Variants in NTRK2 observed in about 807,000 individuals in gnomAD.
The protein encoded by NTRK2 is BDNF/NT-3 growth factors receptor.
A neutral mutation model predicts 94.5 loss-of-function variants in NTRK2; 13 were observed. The observed-to-expected ratio is 0.14, with a 90% CI of 0.09 to 0.22. The LOEUF (loss-of-function observed/expected upper bound fraction) is 0.22, where lower values mean the gene tolerates loss of function less well. Ranked by LOEUF, NTRK2 falls within the 10% of genes least tolerant of loss-of-function variation. The pLI is 1.00. For synonymous variants in NTRK2, 372 were observed against 407.4 expected (o/e 0.91, Z 1.05); for missense variants, 639 against 1,071.2 (o/e 0.60, Z 5.63).
intron 17 of NTRK2, among the ~76,000 whole-genome samples, chr9:84,972,350 G>A (rs1826285475): frequency 6.6e-6 from 1 of 152,210 alleles, no homozygotes; most frequent in Non-Finnish European, 1.5e-5. Context: ...GGAGGGAAGT[G>A]TCCAAGTGTA....
intron 14 of NTRK2, among the ~76,000 whole-genome samples, chr9:84,883,863 CA>C (rs1487113136): frequency 1.3e-5 from 2 of 152,100 alleles, no homozygotes; most frequent in Non-Finnish European, 2.9e-5. Context: ...AAAGTTTTCT[CA>C]AAATTCAAGT....
chr9:84,885,551 C>T (rs999379027), intron 14 of NTRK2, among the ~76,000 whole-genome samples: 6 of 151,884 alleles, frequency 4.0e-5, no homozygotes, highest in South Asian at 2.1e-4. Flanking sequence ...AGCATCATGT[C>T]GAACACATGG....
intron 17 of NTRK2, among the ~76,000 whole-genome samples, chr9:84,967,393 G>A (rs1030355306): frequency 6.6e-6 from 1 of 152,228 alleles, no homozygotes; most frequent in East Asian, 1.9e-4. Context: ...GAGGCCCTAC[G>A]CAGGAAATGC....
At chr9:84,742,818 C>T (rs1304021194) in intron 10 of NTRK2, among the ~76,000 whole-genome samples, 9 of 67,220 alleles carry the variant, frequency 1.3e-4, no homozygotes, top group South Asian at 8.9e-4. Flanking sequence ...TTTTTTTTTC[C>T]GAGACGGAGT....
chr9:84,957,302 A>C (rs369642153), intron 17 of NTRK2, among the ~76,000 whole-genome samples: 1 of 152,188 alleles, frequency 6.6e-6, no homozygotes, highest in East Asian at 1.9e-4. Flanking sequence ...ATCAATAGAC[A>C]TACACTTCAT....
intron 14 of NTRK2, among the ~76,000 whole-genome samples, chr9:84,889,857 G>C (rs1379895156): frequency 6.6e-6 from 1 of 152,118 alleles, no homozygotes; most frequent in Non-Finnish European, 1.5e-5. Context: ...CGAGACAGTT[G>C]CCTCATACTT....
rs879305987 is a variant in NTRK2 at position 85,026,930 on chromosome 9, T to TA, written c.*5505dup. 0.011 allele frequency: 2,143 copies of TA among 195,976 alleles called. No homozygotes were observed. Among genetic ancestry groups the TA allele is most frequent in the Middle Eastern group, 0.019 (11 of 586 alleles). 12.1% of individuals were successfully genotyped at this position (195,976 alleles called of 1,614,324 possible). A position where few individuals can be genotyped will look rare whatever the true frequency, so the allele number is the denominator to read the frequency against. On this transcript the variant is annotated 3_prime_UTR_variant, in exon 19 of 19. Coordinates refer to ENST00000277120, the MANE Select transcript of NTRK2 (RefSeq NM_006180.6). ...CAAAGTGACACCTGAATACAGTGTT[T>TA]AAAAAAAAAAAAGTTTTGTTTGTAA... is the stretch of plus-strand genomic sequence containing the variant.
intron 12 of NTRK2, among the ~76,000 whole-genome samples, chr9:84,757,069 A>T (rs1341036399): frequency 6.6e-6 from 1 of 152,226 alleles, no homozygotes; most frequent in Non-Finnish European, 1.5e-5. Flanking sequence ...AACTTTTAAG[A>T]GGAAAAAATG....
At chr9:85,021,167 C>A in intron 18 of NTRK2, 85 bp from the exon 19 acceptor site, 1 of 1,211,516 alleles carries the variant, frequency 8.3e-7, no homozygotes. Flanking sequence ...TAAAAGCCCT[C>A]TCTTCTGCTG....
intron 14 of NTRK2, among the ~76,000 whole-genome samples, chr9:84,926,169 C>CCTTTCTTTCTTTCTTTCTTTCTTT (rs869183621): frequency 1.0e-4 from 4 of 38,566 alleles, no homozygotes; most frequent in Non-Finnish European, 1.1e-4. Flanking sequence ...TTCCTTCCTT[C>CCTTTCTTTCTTTCTTTCTTTCTTT]CTTTCTTTCT....
At chr9:84,807,681 C>T (rs2133492014) in intron 12 of NTRK2, among the ~76,000 whole-genome samples, 1 of 152,242 alleles carries the variant, frequency 6.6e-6, no homozygotes, top group East Asian at 1.9e-4. Context: ...TAAAAACTTT[C>T]CCCCTCACAA....
intron 11 of NTRK2, among the ~76,000 whole-genome samples, chr9:84,751,245 G>A (rs894273273): frequency 6.6e-6 from 1 of 152,130 alleles, no homozygotes; most frequent in South Asian, 2.1e-4. Context: ...CTTCAGTAGA[G>A]AGAATAGTAA....
chr9:84,885,271 C>T (rs2076377732), intron 14 of NTRK2, among the ~76,000 whole-genome samples: 1 of 152,128 alleles, frequency 6.6e-6, no homozygotes, highest in African/African-American at 2.4e-5. Context: ...TCAGATGATC[C>T]CTTGAAAATG....
intron 12 of NTRK2, among the ~76,000 whole-genome samples, chr9:84,762,950 G>A (rs990930323): frequency 6.6e-6 from 1 of 152,124 alleles, no homozygotes; most frequent in African/African-American, 2.4e-5. Context: ...TATGCTGGTG[G>A]CTGTCCATCT....
At position 84,849,384 on chromosome 9, in the gene NTRK2, A is replaced by G. The variant is rs79459950; in HGVS notation, c.1397-11656A>G. Among the ~76,000 whole-genome samples, 705 of 152,264 alleles carry G rather than the reference A, an allele frequency of 4.6e-3. 13 individuals carry two copies. Among genetic ancestry groups the G allele is most frequent in the Admixed American group, 0.037 (573 of 15,288 alleles). The stretch of plus-strand genomic sequence containing the variant: ...TTTTTCATTGGCAAAAGCAAGCACC[A>G]TGGATCGGTGGGTGGGGGAGTCCAA... On this transcript the variant is annotated intron_variant, in intron 12 of 18. Transcript: ENST00000277120.
At chr9:84,816,194 G>A (rs1464890134) in intron 12 of NTRK2, among the ~76,000 whole-genome samples, 1 of 152,072 alleles carries the variant, frequency 6.6e-6, no homozygotes, top group Non-Finnish European at 1.5e-5. Flanking sequence ...GGAATATGTT[G>A]GATGTAGAGG....
intron 16 of NTRK2, among the ~76,000 whole-genome samples, chr9:84,952,165 T>C (rs1026531983): frequency 1.3e-5 from 2 of 152,220 alleles, no homozygotes; most frequent in African/African-American, 2.4e-5. Context: ...TACGTTACAG[T>C]TGGGGAAACT....
At position 84,735,096 on chromosome 9, in the gene NTRK2, A is replaced by T. The variant is rs1446558483; in HGVS notation, c.1160-6796A>T. Among the ~76,000 whole-genome samples the T allele has an allele frequency of 2.6e-5, 4 of 152,122 alleles. 1 individual carries two copies. Among genetic ancestry groups the T allele is most frequent in the Non-Finnish European group, 4.4e-5 (3 of 68,016 alleles). On this transcript the variant is annotated intron_variant, in intron 9 of 18. Coordinates refer to ENST00000277120, the MANE Select transcript of NTRK2 (RefSeq NM_006180.6). ...CCTGGCTATTACTTTGTGTTTCATTAAAAAAATTGTCATTTTTTTGCTGAG... is the reference window on the plus strand; with the variant it reads ...CCTGGCTATTACTTTGTGTTTCATTTAAAAAATTGTCATTTTTTTGCTGAG...
chr9:85,020,102 C>T, intron 17 of NTRK2, 104 bp from the exon 18 acceptor site: 1 of 1,220,640 alleles, frequency 8.2e-7, no homozygotes, highest in Non-Finnish European at 1.2e-6. Context: ...ACAATTAAAA[C>T]TATAAAGTGC....
Sources: gnomAD v4.1 joint callset for allele counts (sites outside exome capture counted in the v4.1 genomes callset) on GRCh38, gnomAD v4.1.1 for gene constraint, MANE v1.5 for transcripts, NCBI Gene and HGNC (gene_info 2026-07-23, HGNC 2026-07-21) for gene names.